Variants in PDS5A observed in about 807,000 individuals in gnomAD.
PDS5A encodes PDS5 cohesin associated factor A.
Under a neutral mutation model 167.1 loss-of-function variants are expected in PDS5A, and 42 were observed. The observed-to-expected ratio is 0.25, with a 90% CI of 0.20 to 0.33. The LOEUF (loss-of-function observed/expected upper bound fraction) is 0.33. Ranked by LOEUF, PDS5A falls within the 10% of genes least tolerant of loss-of-function variation. PDS5A has a pLI of 1.00. For synonymous variants in PDS5A, 553 were observed against 554.6 expected, an observed-to-expected ratio of 1.00 and a Z score of 0.04; for missense variants, 1,033 against 1,605.9, an observed-to-expected ratio of 0.64 and a Z score of 6.10.
rs747242511 is a variant in PDS5A at position 39,904,093 on chromosome 4, G to A, written c.1332C>T (p.Ser444=). 4.0e-5 allele frequency: 65 copies of A among 1,611,380 alleles called. No homozygotes were observed. Among genetic ancestry groups the A allele is most frequent in the Non-Finnish European group, 5.3e-5 (62 of 1,178,228 alleles). Residue 444 remains serine (S), a synonymous_variant, in exon 12 of 33, where the codon AGC becomes AGT. Coordinates refer to ENST00000303538, the MANE Select transcript of PDS5A (RefSeq NM_001100399.2). ...EAGKEAAEKV[S]WIKDKLLHIY... ...TATGCAGAAGTTTGTCCTTTATCCA[G>A]CTGACTTTCTCTGCAGCTTCCTTTC...
At position 39,825,087 on chromosome 4, in the gene PDS5A, G is replaced by A. The variant is rs796887149; in HGVS notation, c.*398C>T. On this transcript the variant is annotated 3_prime_UTR_variant, in exon 33 of 33. Coordinates refer to ENST00000303538, the MANE Select transcript of PDS5A (RefSeq NM_001100399.2). ...TGGCTCTAAAATGGATGAATTTTCA[G>A]TGTCAGTGTAAAGACATCTTGTTAC... 1.0e-3 allele frequency: 165 copies of A among 164,340 alleles called. 1 individual carries two copies. The highest frequency in any genetic ancestry group is 3.7e-3 in the African/African-American group (157 of 42,058). The allele number at this position is 164,340 out of a possible 1,614,324, so 10.2% of individuals were successfully genotyped here.
At chr4:39,940,502 A>G in intron 2 of PDS5A, among the ~76,000 whole-genome samples, 1 of 152,198 alleles carries the variant, frequency 6.6e-6, no homozygotes, top group East Asian at 1.9e-4. Context: ...ATATATAAGA[A>G]TTTTAGATAC....
chr4:39,868,508 T>C (rs1331486512), intron 22 of PDS5A, among the ~76,000 whole-genome samples: 1 of 152,184 alleles, frequency 6.6e-6, no homozygotes, highest in Non-Finnish European at 1.5e-5. Flanking sequence ...TTTGTATTTT[T>C]AGTAGACAAG....
At chr4:39,968,190 G>A (rs1730163287) in intron 2 of PDS5A, among the ~76,000 whole-genome samples, 1 of 151,910 alleles carries the variant, frequency 6.6e-6, no homozygotes, top group Non-Finnish European at 1.5e-5. Flanking sequence ...CTGAGCTCAA[G>A]TGATCTGCCC....
intron 17 of PDS5A, among the ~76,000 whole-genome samples, chr4:39,883,583 T>C (rs972290277): frequency 6.6e-6 from 1 of 152,024 alleles, no homozygotes; most frequent in Non-Finnish European, 1.5e-5. Context: ...CATCATCTTA[T>C]TTTTCTGTTA....
intron 22 of PDS5A, 48 bp from the exon 23 acceptor site, chr4:39,867,045 A>G (rs1418672523): frequency 2.1e-6 from 3 of 1,439,670 alleles, no homozygotes; most frequent in Middle Eastern, 1.8e-4. Flanking sequence ...TAAAATTCCA[A>G]TTAAAGGGAA....
At chr4:39,840,467 C>T (rs973669710) in intron 31 of PDS5A, among the ~76,000 whole-genome samples, 1 of 152,216 alleles carries the variant, frequency 6.6e-6, no homozygotes, top group African/African-American at 2.4e-5. Context: ...GTGATCTTGG[C>T]TCACTGCAAC....
At chr4:39,925,111 C>CA (rs202114480) in intron 5 of PDS5A, among the ~76,000 whole-genome samples, 18 of 149,468 alleles carry the variant, frequency 1.2e-4, no homozygotes, top group East Asian at 2.0e-4. Context: ...GACACTGTCT[C>CA]AAAAAAAACA....
At chr4:39,924,743 A>G (rs887897244) in intron 5 of PDS5A, among the ~76,000 whole-genome samples, 1 of 152,206 alleles carries the variant, frequency 6.6e-6, no homozygotes, top group African/African-American at 2.4e-5. Context: ...CTACTAGAAA[A>G]CTTATGTGAG....
chr4:39,829,670 G>A (rs918010097), intron 32 of PDS5A, among the ~76,000 whole-genome samples: 7 of 149,054 alleles, frequency 4.7e-5, no homozygotes, highest in Admixed American at 2.0e-4. Context: ...AAAAATTTCC[G>A]GCCAGGCGCG....
chr4:39,836,829 GAC>G (rs1383556342), intron 32 of PDS5A, among the ~76,000 whole-genome samples: 1 of 130,214 alleles, frequency 7.7e-6, no homozygotes, highest in African/African-American at 2.8e-5. Flanking sequence ...TTTTTTTTGA[GAC>G]ACAGTCTCCT....
Position 39,823,655 on chromosome 4 carries a change from C to CT in PDS5A, c.*1829dup, listed in dbSNP as rs1004006997. On this transcript the variant is annotated 3_prime_UTR_variant, in exon 33 of 33. Transcript: ENST00000303538. ...TCTCTGATACTTATGCATAGATACTCTTTTTCAGCATGTTGGAGGCAATAT... is the reference window on the plus strand; with the variant it reads ...TCTCTGATACTTATGCATAGATACTCTTTTTTCAGCATGTTGGAGGCAATAT... 6.6e-6 allele frequency: 1 copy of CT among 152,340 alleles called. No individual in the cohort carries two copies. The highest frequency in any genetic ancestry group is 6.6e-5 in the Admixed American group (1 of 15,254). The allele number at this position is 152,340 out of a possible 1,614,324, so 9.4% of individuals were successfully genotyped here.
At chr4:39,956,074 C>T (rs961202616) in intron 2 of PDS5A, among the ~76,000 whole-genome samples, 8 of 151,002 alleles carry the variant, frequency 5.3e-5, no homozygotes, top group African/African-American at 4.9e-5. Context: ...GCTGCGATCT[C>T]GCCACTGCAC....
At chr4:39,923,928 C>T (rs1431865280) in intron 5 of PDS5A, among the ~76,000 whole-genome samples, 1 of 152,064 alleles carries the variant, frequency 6.6e-6, no homozygotes, top group Non-Finnish European at 1.5e-5. Context: ...TACTGAAAAT[C>T]AAAAGTTTCA....
chr4:39,930,246 A>AAAAAAAAAAAAAAATTTTT, intron 2 of PDS5A, among the ~76,000 whole-genome samples: 8 of 93,164 alleles, frequency 8.6e-5, no homozygotes, highest in South Asian at 4.4e-4. Context: ...AAAAAAAAAA[A>AAAAAAAAAAAAAAATTTTT]GTTTTTTTGT....
At chr4:39,858,066 CATAA>C (rs1229239020) in intron 26 of PDS5A, among the ~76,000 whole-genome samples, 1 of 151,974 alleles carries the variant, frequency 6.6e-6, no homozygotes, top group Non-Finnish European at 1.5e-5. Context: ...TAAATGAATA[CATAA>C]ATAAAATAAA....
intron 29 of PDS5A, among the ~76,000 whole-genome samples, 198 bp from the exon 30 acceptor site, chr4:39,844,999 T>TGAGTTCAA (rs1325755852): frequency 6.6e-6 from 1 of 152,052 alleles, no homozygotes; most frequent in African/African-American, 2.4e-5. Flanking sequence ...CTTGAGGCCA[T>TGAGTTCAA]GAGTTCAAGA....
chr4:39,956,262 C>T (rs1728915516), intron 2 of PDS5A, among the ~76,000 whole-genome samples: 1 of 152,038 alleles, frequency 6.6e-6, no homozygotes, highest in African/African-American at 2.4e-5. Flanking sequence ...GAGGCTATGG[C>T]AGGCAAATCA....
chr4:39,837,972 T>C lies in PDS5A; in HGVS notation c.3894A>G (p.Arg1298=). 6.2e-7 allele frequency: 1 copy of C among 1,614,036 alleles called. No homozygotes were observed. The highest frequency in any genetic ancestry group is 2.2e-5 in the East Asian group (1 of 44,890). The part of the protein sequence containing the change: ...LNKPINKGRK[R]AAVGQESPGG... ...CAGGGCTCTCCTGACCCACTGCAGC[T>C]CTCTTCCTTCCCTTGTTAATAGGTT... is the stretch of plus-strand genomic sequence containing the variant. The change falls in exon 32 of 33, where the codon AGA becomes AGG. Residue 1298 remains arginine (R), a synonymous_variant. Coordinates refer to ENST00000303538, the MANE Select transcript of PDS5A (RefSeq NM_001100399.2).
Sources: allele counts gnomAD v4.1 joint callset (sites outside exome capture counted in the v4.1 genomes callset), GRCh38; gene constraint gnomAD v4.1.1; transcripts MANE v1.5; gene names NCBI Gene and HGNC (gene_info 2026-07-23, HGNC 2026-07-21).